Variants in MTM1 observed in about 807,000 individuals in gnomAD.
MTM1 encodes the protein myotubularin 1.
In MTM1, 9 loss-of-function variants were observed where a neutral mutation model predicts 52.1. That is an observed-to-expected ratio of 0.17 (90% confidence interval 0.10 to 0.30). MTM1 has a LOEUF of 0.30. Ranked by LOEUF, MTM1 falls within the 10% of genes least tolerant of loss-of-function variation. The pLI is 1.00. For missense variants in MTM1, 277 were observed against 470.7 expected (o/e 0.59, Z 3.81); for synonymous variants, 136 against 163.8 (o/e 0.83, Z 1.29).
intron 6 of MTM1, among the ~76,000 whole-genome samples, chrX:150,630,580 A>G (rs2039650795): frequency 9.0e-6 from 1 of 110,992 alleles, no homozygotes; most frequent in Non-Finnish European, 1.9e-5. Context: ...TCTTCTACCT[A>G]TTTTTTGTTT....
At chrX:150,610,443 T>C (rs977653407) in intron 4 of MTM1, among the ~76,000 whole-genome samples, 6 of 112,088 alleles carry the variant, frequency 5.4e-5, no homozygotes, top group African/African-American at 1.6e-4. Context: ...GAATGCATTA[T>C]TTTAGGTTAT....
chrX:150,643,384 T>G (rs888173653), intron 8 of MTM1, among the ~76,000 whole-genome samples: 1 of 111,729 alleles, frequency 9.0e-6, no homozygotes, highest in Non-Finnish European at 1.9e-5. Context: ...ATTTTATGAG[T>G]CTTTAATGTA....
At chrX:150,631,947 C>T (rs1176315435) in intron 6 of MTM1, among the ~76,000 whole-genome samples, 3 of 111,966 alleles carry the variant, frequency 2.7e-5, no homozygotes, top group Non-Finnish European at 3.8e-5. Context: ...TCTATTCATG[C>T]ACCAGGTGTG....
chrX:150,628,054 A>ATGCATCCTTCCCC (rs375936165), intron 6 of MTM1, among the ~76,000 whole-genome samples: 45 of 111,102 alleles, frequency 4.1e-4, no homozygotes, highest in African/African-American at 1.4e-3. Context: ...GTCCTTTCCC[A>ATGCATCCTTCCCC]TGCATCCTTC....
chrX:150,601,501 G>C (rs1557412744), intron 4 of MTM1, among the ~76,000 whole-genome samples: 1 of 112,491 alleles, frequency 8.9e-6, no homozygotes, highest in Non-Finnish European at 1.9e-5. Flanking sequence ...ACACCTGTTT[G>C]TTTCAGGTAT....
chrX:150,661,852 G>A (rs1277036709), intron 13 of MTM1, among the ~76,000 whole-genome samples: 2 of 111,446 alleles, frequency 1.8e-5, no homozygotes, highest in African/African-American at 6.5e-5. Flanking sequence ...AAGACCTAAT[G>A]TGCAGTATGG....
chrX:150,645,399 A>G (rs1603192231), intron 8 of MTM1, among the ~76,000 whole-genome samples: 3 of 112,545 alleles, frequency 2.7e-5, no homozygotes, highest in South Asian at 3.6e-4. Context: ...CAAGCTTTCA[A>G]TTTCCTTTAA....
At chrX:150,588,942 A>C (rs1416116810) in intron 1 of MTM1, among the ~76,000 whole-genome samples, 1 of 112,003 alleles carries the variant, frequency 8.9e-6, no homozygotes, top group Non-Finnish European at 1.9e-5. Flanking sequence ...TTCCTTGGCC[A>C]ATCCTTAATT....
chrX:150,630,608 C>G (rs1325624933), intron 6 of MTM1, among the ~76,000 whole-genome samples: 1 of 111,531 alleles, frequency 9.0e-6, no homozygotes, highest in African/African-American at 3.3e-5. Context: ...TGGTCTTTTT[C>G]TTGTTAGTTG....
rs782584051 is a variant in MTM1 at position 150,631,077 on chromosome X, C to T, written c.445-7866C>T. ...GGGCTGGCCATGTAAGCACCCACTG[C>T]CTAGCACAAGCAAAATTCCAGGCTT... On this transcript the variant is annotated intron_variant, in intron 6 of 14. Coordinates refer to ENST00000370396, the MANE Select transcript of MTM1 (RefSeq NM_000252.3). Among the ~76,000 whole-genome samples the T allele has an allele frequency of 1.2e-4, 13 of 112,040 alleles. No homozygotes were observed. In the East Asian group the frequency reaches 3.6e-3, roughly 31 times the overall value.
At chrX:150,658,153 T>G in intron 11 of MTM1, 126 bp downstream of exon 11, 1 of 544,070 alleles carries the variant, frequency 1.8e-6, no homozygotes, top group Non-Finnish European at 3.1e-6. Context: ...TTTACGCGTT[T>G]GAAAATGCAT....
intron 1 of MTM1, among the ~76,000 whole-genome samples, chrX:150,576,939 T>C: frequency 8.9e-6 from 1 of 112,420 alleles, no homozygotes; most frequent in Middle Eastern, 4.7e-3. Flanking sequence ...TGTTTAGAAG[T>C]ATATTTTTAC....
intron 8 of MTM1, among the ~76,000 whole-genome samples, chrX:150,642,027 A>G (rs932743204): frequency 2.7e-5 from 3 of 111,201 alleles, no homozygotes; most frequent in African/African-American, 9.8e-5. Context: ...ACAAAAATTG[A>G]CTAAAAATTT....
Position 150,641,400 on chromosome X carries a change from G to A in MTM1, c.660G>A (p.Arg220=), listed in dbSNP as rs151259542. ...ACCTCCGGAGAGTTGCAACTTTTAG[G>A]TCCCGAAATCGAATTCCAGTGAGTA... ...DDDLRRVATF[R]SRNRIPVLSW... Residue 220 remains arginine (R), a synonymous_variant, in exon 8 of 15, where the codon AGG becomes AGA. Coordinates refer to ENST00000370396, the MANE Select transcript of MTM1 (RefSeq NM_000252.3). 8.3e-7 allele frequency: 1 copy of A among 1,211,192 alleles called. No individual in the cohort carries two copies.
At chrX:150,615,846 CT>C (rs1557413124) in intron 5 of MTM1, among the ~76,000 whole-genome samples, 1 of 111,215 alleles carries the variant, frequency 9.0e-6, no homozygotes. Flanking sequence ...TCCACCTCAG[CT>C]TTTTTTTGGT....
chrX:150,663,482 A>G lies in MTM1; in HGVS notation c.1517A>G (p.Lys506Arg). Residue 506 changes from lysine (K) to arginine (R), a missense_variant, in exon 14 of 15, where the codon AAA becomes AGA. This residue lies in a region of MTM1 where 59 missense variants were observed against 107.8 expected (regional missense o/e 0.55). Coordinates refer to ENST00000370396, the MANE Select transcript of MTM1 (RefSeq NM_000252.3). The stretch of plus-strand genomic sequence containing the variant: ...TTATGGTCACTGATAAACAGTAATA[A>G]AGAAAAATTCAAAAACCCCTTCTAT... ...VSLWSLINSN[K>R]EKFKNPFYTK... 8.3e-7 allele frequency: 1 copy of G among 1,210,853 alleles called. No individual in the cohort carries two copies. The highest frequency in any genetic ancestry group is 1.1e-6 in the Non-Finnish European group (1 of 894,615).
intron 1 of MTM1, among the ~76,000 whole-genome samples, chrX:150,587,827 A>G (rs1436746621): frequency 3.6e-5 from 4 of 111,907 alleles, no homozygotes; most frequent in South Asian, 7.4e-4. Context: ...AAATGGGGGC[A>G]TGTTTTGGTT....
chrX:150,659,733 T>G lies in MTM1; in HGVS notation c.1330T>G (p.Cys444Gly), dbSNP rs1375475868. Residue 444 changes from cysteine (C) to glycine (G), a missense_variant, in exon 12 of 15, where the codon TGT becomes GGT. By Grantham distance (159) the Cys-to-Gly change is radical. Around this residue, in one of 4 missense-constraint regions of MTM1, gnomAD observed 59 missense variants for 107.8 expected, o/e 0.55. Transcript: ENST00000370396. ...TCCTATTTTTCTCCAGTTTATTGAT[T>G]GTGTGTGGCAAATGTCAAAACAGGT... ...RSPIFLQFID[C>G]VWQMSKQFPT... 1 of 1,208,617 alleles carries G rather than the reference T, an allele frequency of 8.3e-7. No individual in the cohort carries two copies. The highest frequency in any genetic ancestry group is 2.2e-5 in the Admixed American group (1 of 46,014).
chrX:150,611,392 C>G (rs1279905467), intron 4 of MTM1, among the ~76,000 whole-genome samples: 1 of 112,447 alleles, frequency 8.9e-6, no homozygotes, highest in Non-Finnish European at 1.9e-5. Context: ...CTGTTATCAG[C>G]TAGTAAATGT....
Sources: allele counts gnomAD v4.1 joint callset (sites outside exome capture counted in the v4.1 genomes callset), GRCh38; gene constraint gnomAD v4.1.1; regional missense constraint gnomAD v4.1.1; transcripts MANE v1.5; gene names NCBI Gene and HGNC (gene_info 2026-07-23, HGNC 2026-07-21).